ME3: variants seen among roughly 807,000 people sequenced by gnomAD.
ME3 encodes malic enzyme 3, also known as NADP-dependent malic enzyme, mitochondrial.
A neutral mutation model predicts 68.9 loss-of-function variants in ME3; 48 were observed. The ratio of observed to expected loss-of-function variants is 0.70; its 90% confidence interval spans 0.55 to 0.89. The LOEUF is 0.89. Ranked by LOEUF, ME3 falls within the 40% of genes least tolerant of loss-of-function variation. The pLI is 0.00. For missense variants in ME3, 675 were observed against 797.4 expected, an observed-to-expected ratio of 0.85 and a Z score of 1.85; for synonymous variants, 320 against 318.8, an observed-to-expected ratio of 1.00 and a Z score of -0.04.
intron 2 of ME3, among the ~76,000 whole-genome samples, chr11:86,657,350 C>T (rs1221488444): frequency 6.6e-6 from 1 of 151,930 alleles, no homozygotes; most frequent in Non-Finnish European, 1.5e-5. Flanking sequence ...CCATCATTCT[C>T]AGCAGACTAA....
exon 6 of ME3, chr11:86,498,080 G>A (rs1228306519): frequency 1.7e-5 from 27 of 1,613,492 alleles, no homozygotes; most frequent in Non-Finnish European, 2.1e-5. Context: ...AGCAGCCCAG[G>A]TCTCCCAGGC....
chr11:86,671,855 G>C (rs766689275), exon 2 of ME3: 1 of 1,581,838 alleles, frequency 6.3e-7, no homozygotes, highest in Non-Finnish European at 8.6e-7. Flanking sequence ...AGCCTTGGGC[G>C]GGCGCGGTGG....
intron 8 of ME3, chr11:86,464,008 A>G: frequency 2.7e-6 from 1 of 369,558 alleles, no homozygotes; most frequent in Non-Finnish European, 5.3e-6. Flanking sequence ...CCCGACATAC[A>G]ATAAGCGTTC....
intron 2 of ME3, among the ~76,000 whole-genome samples, chr11:86,598,399 G>A (rs1438368474): frequency 6.6e-6 from 1 of 152,206 alleles, no homozygotes; most frequent in Non-Finnish European, 1.5e-5. Context: ...GCTGGGGGAG[G>A]GGCACCCGCC....
intron 6 of ME3, among the ~76,000 whole-genome samples, chr11:86,492,081 A>G (rs957235044): frequency 8.5e-5 from 13 of 152,232 alleles, no homozygotes; most frequent in African/African-American, 3.1e-4. Context: ...TAGGCTTTCA[A>G]ATCAGATAGA....
At chr11:86,657,108 C>A (rs2135467711) in intron 2 of ME3, among the ~76,000 whole-genome samples, 1 of 152,234 alleles carries the variant, frequency 6.6e-6, no homozygotes, top group East Asian at 1.9e-4. Flanking sequence ...CCCAGCAATC[C>A]CATTACTGGG....
At position 86,671,965 on chromosome 11, in the gene ME3, C is replaced by A. The variant is rs953203503; in HGVS notation, c.-14-7G>T. ...CCCATGGTCCTTGGCAGACCTGGCA[C>A]GGGAGAGAAAGCAAGGTCAGGGCCT... On this transcript the variant is annotated splice_region_variant and splice_polypyrimidine_tract_variant and intron_variant, in intron 1 of 14. Coordinates refer to ENST00000543262, the Ensembl canonical transcript of ME3. 2 of 1,390,540 alleles carry A rather than the reference C, an allele frequency of 1.4e-6. No homozygotes were observed. Among genetic ancestry groups the A allele is most frequent in the African/African-American group, 3.1e-5 (2 of 65,334 alleles). The allele number at this position is 1,390,540 out of a possible 1,614,324, so 86.1% of individuals were successfully genotyped here. A position where few individuals can be genotyped will look rare whatever the true frequency, so the allele number is the denominator to read the frequency against.
intron 6 of ME3, among the ~76,000 whole-genome samples, chr11:86,495,603 A>C (rs189402561): frequency 6.6e-6 from 1 of 152,380 alleles, no homozygotes; most frequent in African/African-American, 2.4e-5. Flanking sequence ...CACGCCTGCA[A>C]AGAAGCATTC....
chr11:86,613,303 A>G (rs552164150), intron 2 of ME3, among the ~76,000 whole-genome samples: 2 of 152,288 alleles, frequency 1.3e-5, no homozygotes, highest in East Asian at 1.9e-4. Flanking sequence ...TAAACTAGGT[A>G]TTGATGGAAC....
rs975367651 is a variant in ME3 at position 86,516,534 on chromosome 11, T to C, written c.468-7667A>G. Among the ~76,000 whole-genome samples, 17 of 152,242 alleles carry C rather than the reference T, an allele frequency of 1.1e-4. 2 individuals carry two copies. Among genetic ancestry groups the C allele is most frequent in the Admixed American group, 5.2e-4 (8 of 15,290 alleles). ...CCCCAAGTAGCTGGGACTACAGGCA[T>C]GTGCCACTATGCCCAGCTAATTTTT... On this transcript the variant is annotated intron_variant, in intron 4 of 14. Transcript: ENST00000543262.
chr11:86,601,388 C>T (rs576638399), intron 2 of ME3, among the ~76,000 whole-genome samples: 9 of 152,220 alleles, frequency 5.9e-5, no homozygotes, highest in Admixed American at 2.0e-4. Flanking sequence ...ATACACCCTC[C>T]CAAGACTAAA....
chr11:86,530,034 G>T (rs1011362671), intron 4 of ME3, among the ~76,000 whole-genome samples: 5 of 152,132 alleles, frequency 3.3e-5, no homozygotes, highest in African/African-American at 7.2e-5. Context: ...GAAATAAAGG[G>T]TATTCAATTA....
intron 7 of ME3, among the ~76,000 whole-genome samples, chr11:86,485,178 C>G (rs1951616073): frequency 6.6e-6 from 1 of 152,176 alleles, no homozygotes; most frequent in Admixed American, 6.5e-5. Flanking sequence ...TAGATACATA[C>G]AAACAAGTCC....
chr11:86,626,105 C>A (rs369507798), intron 2 of ME3, among the ~76,000 whole-genome samples: 1 of 152,180 alleles, frequency 6.6e-6, no homozygotes, highest in African/African-American at 2.4e-5. Flanking sequence ...AGAAGGCTTC[C>A]TGTGCCAGTT....
chr11:86,606,710 C>T (rs1961715321), intron 2 of ME3, among the ~76,000 whole-genome samples: 1 of 152,164 alleles, frequency 6.6e-6, no homozygotes, highest in Admixed American at 6.5e-5. Flanking sequence ...ATAACTCTCC[C>T]AGTACAGAAA....
intron 7 of ME3, among the ~76,000 whole-genome samples, chr11:86,467,687 T>G (rs61904382): frequency 1.5e-5 from 2 of 130,610 alleles, no homozygotes; most frequent in South Asian, 5.2e-4. Context: ...TCTCTCTCTC[T>G]CTCTCTCACA....
At chr11:86,608,406 A>G (rs1015580146) in intron 2 of ME3, among the ~76,000 whole-genome samples, 16 of 152,344 alleles carry the variant, frequency 1.1e-4, no homozygotes, top group Non-Finnish European at 1.5e-5. Flanking sequence ...ATGAGATGGA[A>G]GCAATCTGGG....
At chr11:86,447,310 G>A (rs900058879) in intron 11 of ME3, 103 bp from the exon 12 acceptor site, 14 of 1,456,750 alleles carry the variant, frequency 9.6e-6, no homozygotes, top group Admixed American at 6.2e-5. Context: ...TGAAAGACTC[G>A]GTCTTGGGCC....
In ME3 at chr11:86,602,552, G is replaced by A. The variant is rs1272463598; in HGVS notation, c.184-42729C>T. On this transcript the variant is annotated intron_variant, in intron 2 of 14. Coordinates refer to ENST00000543262, the Ensembl canonical transcript of ME3. ...GCCCAAGGTAATTTATAGATTCAAT[G>A]CCATCCCCATCAAGCTACCAATGAC... Among the ~76,000 whole-genome samples the A allele has an allele frequency of 3.9e-5, 6 of 152,114 alleles. No homozygotes were observed. In the East Asian group the frequency reaches 1.2e-3, roughly 29 times the overall value.
Sources: allele counts gnomAD v4.1 joint callset (sites outside exome capture counted in the v4.1 genomes callset), GRCh38; gene constraint gnomAD v4.1.1; transcripts MANE v1.5; gene names NCBI Gene and HGNC (gene_info 2026-07-23, HGNC 2026-07-21).